ACTR6: variants seen among roughly 807,000 people sequenced by gnomAD.
The protein encoded by ACTR6 is actin related protein 6.
ACTR6 carries 50 observed loss-of-function variants against 52.5 expected under a neutral mutation model. The ratio of observed to expected loss-of-function variants is 0.95; its 90% CI spans 0.76 to 1.20. The LOEUF is 1.20. ACTR6 is among the 50% of genes most tolerant of loss of function. The pLI, the probability that ACTR6 is intolerant of heterozygous loss-of-function variation, is 0.00. For missense variants in ACTR6, 344 were observed against 472.4 expected, an observed-to-expected ratio of 0.73 and a Z score of 2.52; for synonymous variants, 135 against 147.2, an observed-to-expected ratio of 0.92 and a Z score of 0.60.
rs1357200009 is a variant in ACTR6, at chr12:100,200,897, G to C, written c.46G>C (p.Gly16Arg). 4 of 1,614,098 alleles carry C rather than the reference G, an allele frequency of 2.5e-6. No individual in the cohort carries two copies. Among genetic ancestry groups the C allele is most frequent in the Non-Finnish European group, 3.4e-6 (4 of 1,180,012 alleles). Residue 16 changes from glycine (G) to arginine (R), a missense_variant, in exon 1 of 11, where the codon GGT (glycine) becomes CGT (arginine). Coordinates refer to ENST00000188312, the MANE Select transcript of ACTR6 (RefSeq NM_022496.5). Reference protein sequence around the residue: ...LDNGAYNAKIGYSHENVSVIP... With the variant: ...LDNGAYNAKIRYSHENVSVIP... ...TAATGGAGCTTACAACGCCAAAATC[G>C]GTTACAGCCATGAAAATGTGTCGTA...
rs2096130313 is a variant in ACTR6 at position 100,223,970 on chromosome 12, T to C, written c.*55T>C. The C allele has an allele frequency of 6.4e-7, 1 of 1,555,464 alleles. No individual in the cohort carries two copies. The highest frequency in any genetic ancestry group is 8.7e-7 in the Non-Finnish European group (1 of 1,155,834). ...TAAGGTTTAATTTCAAAGTTCCTTT[T>C]AAAAGAGGTTAAGGAACTGTGTTAC... On this transcript the variant is annotated 3_prime_UTR_variant, in exon 11 of 11. Coordinates refer to ENST00000188312, the MANE Select transcript of ACTR6 (RefSeq NM_022496.5).
intron 2 of ACTR6, 100 bp from the exon 3 acceptor site, chr12:100,205,576 T>C: frequency 2.8e-6 from 2 of 719,980 alleles, no homozygotes; most frequent in Non-Finnish European, 4.3e-6. Flanking sequence ...AATCAGTGAT[T>C]TGGAATCTGA....
At position 100,218,661 on chromosome 12, in the gene ACTR6, C is replaced by T; in HGVS notation, c.922+75C>T. On this transcript the variant is annotated intron_variant, in intron 9 of 10. Coordinates refer to ENST00000188312, the MANE Select transcript of ACTR6 (RefSeq NM_022496.5). This position sits in a 1 kb window ranked among gnomAD's most constrained non-coding sequence, Gnocchi z 4.2. ...TCATAAGCCCTGTGAACCCTGTTTC[C>T]TCTAAATAATTTCAGGCAAATTGGT... 1 of 1,037,972 alleles carries T rather than the reference C, an allele frequency of 9.6e-7. No individual in the cohort carries two copies. The highest frequency in any genetic ancestry group is 1.3e-6 in the Non-Finnish European group (1 of 791,552). The allele number at this position is 1,037,972 out of a possible 1,614,324, so 64.3% of individuals were successfully genotyped here.
rs1180943617 is a variant in ACTR6 at position 100,223,891 on chromosome 12, C to T, written c.1167C>T (p.Val389=). 6.8e-6 allele frequency: 11 copies of T among 1,606,682 alleles called. No individual in the cohort carries two copies. Among genetic ancestry groups the T allele is most frequent in the Non-Finnish European group, 8.5e-6 (10 of 1,178,190 alleles). ...REDYEENGHS[V]CEEKFDI ...ATTACGAAGAAAATGGACATAGCGT[C>T]TGTGAAGAGAAATTTGATATTTAAG... Residue 389 remains valine, a synonymous_variant, in exon 11 of 11, where the codon GTC becomes GTT. Transcript: ENST00000188312.
intron 4 of ACTR6, chr12:100,208,625 C>G (rs2096117121): frequency 2.3e-6 from 1 of 439,326 alleles, no homozygotes; most frequent in Non-Finnish European, 4.6e-6. Flanking sequence ...TCAGACATCT[C>G]TCATTTTATC....
intron 3 of ACTR6, among the ~76,000 whole-genome samples, chr12:100,206,463 A>G (rs759107905): frequency 6.6e-6 from 1 of 152,172 alleles, no homozygotes; most frequent in Non-Finnish European, 1.5e-5. Flanking sequence ...GGGTAAGACT[A>G]TGTCTCAATA....
At chr12:100,209,080 C>T (rs974488937) in intron 4 of ACTR6, among the ~76,000 whole-genome samples, 6 of 152,236 alleles carry the variant, frequency 3.9e-5, no homozygotes, top group Admixed American at 3.3e-4. Flanking sequence ...GTTAGTAGCT[C>T]AGGCTGCCAG....
intron 9 of ACTR6, among the ~76,000 whole-genome samples, chr12:100,219,696 T>TAA (rs2096126585): frequency 6.6e-6 from 1 of 152,214 alleles, no homozygotes; most frequent in Non-Finnish European, 1.5e-5. Context: ...AACTGTTTTT[T>TAA]TTACTACAGT....
Position 100,210,286 on chromosome 12 carries a change from C to G in ACTR6, c.516-9C>G, listed in dbSNP as rs1698898102. The G allele has an allele frequency of 7.4e-6, 12 of 1,613,454 alleles. No homozygotes were observed. Among genetic ancestry groups the G allele is most frequent in the Non-Finnish European group, 9.3e-6 (11 of 1,179,716 alleles). ...GTGCGATAATTAAATTTGAGTTCTC[C>G]CCTTGCAGGATAAATGTGGGAGGAA... is the stretch of plus-strand genomic sequence containing the variant. On this transcript the variant is annotated splice_polypyrimidine_tract_variant and intron_variant, in intron 5 of 10. Transcript: ENST00000188312.
chr12:100,223,964 T>C lies in ACTR6; in HGVS notation c.*49T>C, dbSNP rs1566300008. The C allele has an allele frequency of 1.3e-6, 2 of 1,570,060 alleles. No individual in the cohort carries two copies. Among genetic ancestry groups the C allele is most frequent in the South Asian group, 2.4e-5 (2 of 84,446 alleles). ...TGACCATAAGGTTTAATTTCAAAGTTCCTTTTAAAAGAGGTTAAGGAACTG... is the reference window on the plus strand; with the variant it reads ...TGACCATAAGGTTTAATTTCAAAGTCCCTTTTAAAAGAGGTTAAGGAACTG... On this transcript the variant is annotated 3_prime_UTR_variant, in exon 11 of 11. Transcript: ENST00000188312.
intron 4 of ACTR6, among the ~76,000 whole-genome samples, chr12:100,208,283 C>CT (rs974819133): frequency 6.0e-4 from 87 of 146,070 alleles, no homozygotes; most frequent in Middle Eastern, 3.5e-3. Flanking sequence ...TTTTCTTTTT[C>CT]TTTTTTTTTT....
At chr12:100,206,049 T>C (rs2096114302) in intron 3 of ACTR6, 1 of 184,180 alleles carries the variant, frequency 5.4e-6, no homozygotes, top group African/African-American at 2.3e-5. Flanking sequence ...ATTTTGTGTT[T>C]TTAATGTCTG....
intron 1 of ACTR6, among the ~76,000 whole-genome samples, chr12:100,201,543 C>T (rs1322683527): frequency 6.6e-6 from 1 of 152,020 alleles, no homozygotes; most frequent in South Asian, 2.1e-4. Context: ...TTTCCTTCCT[C>T]CCTCCTTTCC....
chr12:100,203,008 T>C (rs1303270530), intron 1 of ACTR6, among the ~76,000 whole-genome samples: 1 of 152,188 alleles, frequency 6.6e-6, no homozygotes, highest in Non-Finnish European at 1.5e-5. Context: ...GAAACTATTC[T>C]CAGGTATTAG....
chr12:100,219,572 T>C (rs1262971847), intron 9 of ACTR6, among the ~76,000 whole-genome samples: 5 of 152,196 alleles, frequency 3.3e-5, no homozygotes, highest in Non-Finnish European at 5.9e-5. Flanking sequence ...GATTTGGGCT[T>C]GTAAGTTCAA....
At position 100,224,407 on chromosome 12, in the gene ACTR6, A is replaced by C. The variant is rs975959831; in HGVS notation, c.*492A>C. On this transcript the variant is annotated 3_prime_UTR_variant, in exon 11 of 11. Coordinates refer to ENST00000188312, the MANE Select transcript of ACTR6 (RefSeq NM_022496.5). ...TAAAAGGGTGGAGACTAAGCTAATA[A>C]AGTTTTTTTGGCCACTACTGTGTGG... 6.6e-6 allele frequency: 1 copy of C among 152,214 alleles called. No homozygotes were observed. The highest frequency in any genetic ancestry group is 1.5e-5 in the Non-Finnish European group (1 of 68,084). The allele number at this position is 152,214 out of a possible 1,614,324, so 9.4% of individuals were successfully genotyped here. A position where few individuals can be genotyped will look rare whatever the true frequency, so the allele number is the denominator to read the frequency against.
chr12:100,204,563 C>T (rs1391586726), intron 1 of ACTR6, among the ~76,000 whole-genome samples: 2 of 152,152 alleles, frequency 1.3e-5, no homozygotes, highest in East Asian at 1.9e-4. Flanking sequence ...TAGGGTTTCA[C>T]CCTGTTGGCC....
At chr12:100,209,400 A>G (rs2096117938) in intron 4 of ACTR6, among the ~76,000 whole-genome samples, 1 of 150,266 alleles carries the variant, frequency 6.7e-6, no homozygotes, top group African/African-American at 2.5e-5. Context: ...GCATGTGTAC[A>G]GTCCCAGCTA....
intron 6 of ACTR6, among the ~76,000 whole-genome samples, chr12:100,211,655 G>C (rs1362107981): frequency 6.6e-6 from 1 of 152,016 alleles, no homozygotes; most frequent in South Asian, 2.1e-4. Flanking sequence ...TAAAGATACT[G>C]GTGGGAGAAT....
Sources: allele counts gnomAD v4.1 joint callset (sites outside exome capture counted in the v4.1 genomes callset), GRCh38; gene constraint gnomAD v4.1.1; non-coding constraint Gnocchi (gnomAD v3.1); transcripts MANE v1.5; gene names NCBI Gene and HGNC (gene_info 2026-07-23, HGNC 2026-07-21).